NINL: variants seen among roughly 807,000 people sequenced by gnomAD.
NINL encodes ninein-like protein.
In NINL, 153 loss-of-function variants were observed where a neutral mutation model predicts 160.3. The ratio of observed to expected loss-of-function variants is 0.95; its 90% confidence interval spans 0.84 to 1.09. The LOEUF (loss-of-function observed/expected upper bound fraction) is 1.09, where lower values mean the gene tolerates loss of function less well. Among genes scored for constraint, NINL ranks in the 50% least tolerant of loss-of-function variants. The probability of loss-of-function intolerance (pLI) is 0.00; values close to 1 mark genes in which losing one functional copy is unlikely to be tolerated. For synonymous variants in NINL, 800 were observed against 734.8 expected (o/e 1.09, Z -1.43); for missense variants, 1,829 against 1,764.0 (o/e 1.04, Z -0.66).
chr20:25,490,525 A>C (rs1025679194), intron 11 of NINL, among the ~76,000 whole-genome samples: 10 of 146,348 alleles, frequency 6.8e-5, no homozygotes, highest in African/African-American at 2.6e-4. Context: ...ATGCCACTGC[A>C]CTCTAGCCTG....
intron 1 of NINL, among the ~76,000 whole-genome samples, chr20:25,578,679 G>C (rs1325712730): frequency 6.6e-6 from 1 of 151,244 alleles, no homozygotes; most frequent in Admixed American, 6.6e-5. Flanking sequence ...TGTAGTCCCA[G>C]CTACTCAGGA....
At chr20:25,516,504 C>T (rs995904837) in intron 3 of NINL, among the ~76,000 whole-genome samples, 6 of 152,148 alleles carry the variant, frequency 3.9e-5, no homozygotes, top group African/African-American at 7.2e-5. Flanking sequence ...AGCTTAGATG[C>T]GCCCACCATG....
chr20:25,457,453 A>G (rs1239834571), intron 22 of NINL, among the ~76,000 whole-genome samples: 2 of 152,222 alleles, frequency 1.3e-5, no homozygotes, highest in Admixed American at 6.5e-5. Flanking sequence ...TTTTAACCAT[A>G]AATAACTCCA....
intron 13 of NINL, 55 bp from the exon 14 acceptor site, chr20:25,482,155 G>C: frequency 2.6e-6 from 4 of 1,550,928 alleles, no homozygotes; most frequent in South Asian, 1.2e-5. Context: ...TCAGCCCAGC[G>C]AGCTGGCCGA....
At chr20:25,480,984 TCAGGAGCCTGACTCCAATC>T (rs1355608373) in intron 14 of NINL, among the ~76,000 whole-genome samples, 1 of 152,060 alleles carries the variant, frequency 6.6e-6, no homozygotes, top group Non-Finnish European at 1.5e-5. Flanking sequence ...GGGTGGCGCC[TCAGGAGCCTGACTCCAATC>T]CAGGAGCCAG....
intron 1 of NINL, among the ~76,000 whole-genome samples, chr20:25,572,710 T>G (rs2065068259): frequency 6.6e-6 from 1 of 152,196 alleles, no homozygotes; most frequent in Non-Finnish European, 1.5e-5. Context: ...GATAGTTTTC[T>G]AAAAGTTTTT....
rs11905437 is a variant in NINL at position 25,479,128 on chromosome 20, T to G, written c.1996A>C (p.Arg666=). ...CCCTCCAGCACGCTGACCTCGCGCC[T>G]GCGAGCCTGCTCCATGTCCTTCCTC... ...KERKDMEQAR[R]REVSVLEGQK... The change falls in exon 16 of 24, where the codon AGG becomes CGG. Residue 666 remains arginine (R), a synonymous_variant. Coordinates refer to ENST00000278886, the MANE Select transcript of NINL (RefSeq NM_025176.6). 0.11 allele frequency: 171,323 copies of G among 1,613,826 alleles called. 9,865 individuals are homozygous for G. Among genetic ancestry groups the G allele is most frequent in the African/African-American group, 0.16 (12,008 of 75,044 alleles).
At position 25,478,906 on chromosome 20, in the gene NINL, A is replaced by C. The variant is rs561467659; in HGVS notation, c.2201+17T>G. The C allele has an allele frequency of 1.0e-5, 15 of 1,492,624 alleles. No homozygotes were observed. The Admixed American group carries it at 2.9e-4, about 29-fold the overall frequency. The allele number at this position is 1,492,624 out of a possible 1,614,324, so 92.5% of individuals were successfully genotyped here. Reference sequence around the variant, plus strand: ...AAGAAACCCCAGACTTGAAATCTCAAAAGAAGCTGGCTGGACCTGATCTGC... The same window carrying C: ...AAGAAACCCCAGACTTGAAATCTCACAAGAAGCTGGCTGGACCTGATCTGC... On this transcript the variant is annotated intron_variant, in intron 16 of 23. Transcript: ENST00000278886.
chr20:25,483,924 G>A (rs1305059525), intron 13 of NINL, among the ~76,000 whole-genome samples: 1 of 152,218 alleles, frequency 6.6e-6, no homozygotes, highest in Non-Finnish European at 1.5e-5. Flanking sequence ...ACTTGTGACT[G>A]CTTCGACCTA....
chr20:25,491,345 C>T lies in NINL; in HGVS notation c.1485+6G>A, dbSNP rs1164099559. ...AGCTTCCTGGATGCCCTGGGGATGC[C>T]CCTACCTTCAGGGCCAGGGTCAGCT... is the stretch of plus-strand genomic sequence containing the variant. On this transcript the variant is annotated splice_donor_region_variant and intron_variant, in intron 11 of 23. Transcript: ENST00000278886. The T allele has an allele frequency of 4.4e-6, 7 of 1,603,066 alleles. No individual in the cohort carries two copies. Among genetic ancestry groups the T allele is most frequent in the Non-Finnish European group, 5.9e-6 (7 of 1,176,750 alleles).
chr20:25,570,218 A>C (rs1229362888), intron 1 of NINL, among the ~76,000 whole-genome samples: 1 of 152,134 alleles, frequency 6.6e-6, no homozygotes, highest in Non-Finnish European at 1.5e-5. Context: ...AGAAGAATTC[A>C]TATAGACACC....
chr20:25,466,213 G>T (rs773198705), intron 19 of NINL, among the ~76,000 whole-genome samples: 1 of 151,778 alleles, frequency 6.6e-6, no homozygotes, highest in Non-Finnish European at 1.5e-5. Context: ...GTAGAGATGG[G>T]GTTTTGTCAT....
rs578261548 is a variant in NINL, at chr20:25,573,777, A to G, written c.-12+11678T>C. Among the ~76,000 whole-genome samples, 61 of 152,368 alleles carry G rather than the reference A, an allele frequency of 4.0e-4. 1 individual carries two copies. The South Asian group carries it at 8.5e-3, about 21-fold the overall frequency. ...GCAGTTTCCCCTGAGTCAACTAAAA[A>G]GACTTTGCATGGAACCATTTCTAAG... On this transcript the variant is annotated intron_variant, in intron 1 of 23. Coordinates refer to ENST00000278886, the MANE Select transcript of NINL (RefSeq NM_025176.6).
intron 1 of NINL, among the ~76,000 whole-genome samples, chr20:25,543,987 C>G (rs2064703084): frequency 7.5e-6 from 1 of 133,268 alleles, no homozygotes; most frequent in South Asian, 2.1e-4. Flanking sequence ...AGGTAAGAGT[C>G]CATCTTCATT....
chr20:25,462,803 C>T, intron 19 of NINL: 1 of 338,018 alleles, frequency 3.0e-6, no homozygotes. Context: ...CACAGGCACA[C>T]GTCACCACTC....
chr20:25,574,164 T>A (rs1018109053), intron 1 of NINL, among the ~76,000 whole-genome samples: 5 of 152,202 alleles, frequency 3.3e-5, no homozygotes, highest in Non-Finnish European at 7.3e-5. Flanking sequence ...CTATTTTAAA[T>A]CACAGAATTT....
chr20:25,454,606 T>C (rs576258241), intron 23 of NINL, among the ~76,000 whole-genome samples: 3 of 152,292 alleles, frequency 2.0e-5, no homozygotes, highest in South Asian at 4.1e-4. Context: ...GACCAAACCA[T>C]ACTGGATCAC....
intron 4 of NINL, among the ~76,000 whole-genome samples, chr20:25,511,885 C>G (rs1017661792): frequency 6.6e-6 from 1 of 152,196 alleles, no homozygotes; most frequent in Admixed American, 6.5e-5. Context: ...CCTGGGGGCC[C>G]GACCTGTCTA....
chr20:25,519,374 A>G (rs1291750476), intron 2 of NINL, among the ~76,000 whole-genome samples: 1 of 152,146 alleles, frequency 6.6e-6, no homozygotes, highest in East Asian at 1.9e-4. Context: ...TCCCATAGTT[A>G]TTCTGTTTTT....
Sources: allele counts gnomAD v4.1 joint callset (sites outside exome capture counted in the v4.1 genomes callset), GRCh38; gene constraint gnomAD v4.1.1; transcripts MANE v1.5; gene names NCBI Gene and HGNC (gene_info 2026-07-23, HGNC 2026-07-21).